The following CNTNAP2 variants were observed in gnomAD, a reference collection of about 807,000 sequenced individuals.
CNTNAP2 encodes contactin-associated protein-like 2.
In CNTNAP2, 98 loss-of-function variants were observed where a neutral mutation model predicts 155.2. The ratio of observed to expected loss-of-function variants is 0.63; its 90% confidence interval spans 0.54 to 0.75. The LOEUF (loss-of-function observed/expected upper bound fraction) is 0.75, where lower values mean the gene tolerates loss of function less well. Among genes scored for constraint, CNTNAP2 ranks in the 30% least tolerant of loss-of-function variants. The pLI is 0.00. For synonymous variants in CNTNAP2, 651 were observed against 631.2 expected (o/e 1.03, Z -0.47); for missense variants, 1,727 against 1,688.1 (o/e 1.02, Z -0.40).
chr7:147,160,909 C>A (rs986026124), intron 8 of CNTNAP2, among the ~76,000 whole-genome samples: 3 of 152,098 alleles, frequency 2.0e-5, no homozygotes, highest in African/African-American at 7.2e-5. Flanking sequence ...ATCCTAAAGA[C>A]TTTTTCTTGC....
intron 13 of CNTNAP2, among the ~76,000 whole-genome samples, chr7:147,780,278 C>T (rs1055828689): frequency 6.6e-6 from 1 of 152,124 alleles, no homozygotes; most frequent in South Asian, 2.1e-4. Context: ...AAAACATTCA[C>T]GAGGCATTCT....
At chr7:147,341,386 A>G (rs1028220960) in intron 9 of CNTNAP2, among the ~76,000 whole-genome samples, 2 of 152,010 alleles carry the variant, frequency 1.3e-5, no homozygotes, top group East Asian at 1.9e-4. Flanking sequence ...GTGCATATCT[A>G]TGTAACAAAC....
At chr7:146,441,446 A>G (rs1316282166) in intron 1 of CNTNAP2, among the ~76,000 whole-genome samples, 1 of 151,138 alleles carries the variant, frequency 6.6e-6, no homozygotes, top group African/African-American at 2.5e-5. Flanking sequence ...ATACACATCA[A>G]CTCTCTTCCC....
At position 146,628,065 on chromosome 7, in the gene CNTNAP2, A is replaced by G. The variant is rs186399684; in HGVS notation, c.98-146206A>G. 8.7e-4 allele frequency among the ~76,000 whole-genome samples: 133 copies of G among 152,290 alleles called. 1 individual carries two copies. The highest frequency in any genetic ancestry group is 3.0e-3 in the African/African-American group (124 of 41,580). The stretch of plus-strand genomic sequence containing the variant: ...TTCCAAAGATATATTTAATAGTACT[A>G]AATAGAAAATCTATGATATCCATAC... On this transcript the variant is annotated intron_variant, in intron 1 of 23. Transcript: ENST00000361727.
intron 9 of CNTNAP2, among the ~76,000 whole-genome samples, chr7:147,377,466 C>T (rs1452219160): frequency 6.6e-6 from 1 of 151,764 alleles, no homozygotes; most frequent in African/African-American, 2.4e-5. Flanking sequence ...GATTTTACCA[C>T]ATTTGCATAT....
chr7:147,571,701 C>T (rs1407808950), intron 12 of CNTNAP2, among the ~76,000 whole-genome samples: 1 of 152,100 alleles, frequency 6.6e-6, no homozygotes, highest in African/African-American at 2.4e-5. Context: ...TATATTAGGG[C>T]TTATTAACAT....
intron 1 of CNTNAP2, among the ~76,000 whole-genome samples, chr7:146,397,135 A>G (rs528610435): frequency 4.0e-4 from 61 of 152,198 alleles, no homozygotes; most frequent in Admixed American, 2.0e-4. Context: ...GCTTTATGCT[A>G]TCTGAAAATT....
chr7:146,613,475 CAT>C (rs1345296778), intron 1 of CNTNAP2, among the ~76,000 whole-genome samples: 1 of 152,120 alleles, frequency 6.6e-6, no homozygotes, highest in Non-Finnish European at 1.5e-5. Context: ...ATTCAATTAA[CAT>C]GTGTTCTAAA....
chr7:147,824,176 C>T (rs2116625712), intron 13 of CNTNAP2, among the ~76,000 whole-genome samples: 1 of 152,218 alleles, frequency 6.6e-6, no homozygotes, highest in Non-Finnish European at 1.5e-5. Context: ...TGTAGTCTCT[C>T]CTTTATTCAA....
At chr7:147,132,126 G>A (rs1294496804) in intron 7 of CNTNAP2, 119 bp from the exon 8 acceptor site, 3 of 1,312,582 alleles carry the variant, frequency 2.3e-6, no homozygotes, top group East Asian at 4.6e-5. Flanking sequence ...CTGTGTGTGA[G>A]TTTAGCTTAG....
At chr7:147,446,219 C>T (rs940656119) in intron 10 of CNTNAP2, among the ~76,000 whole-genome samples, 1 of 151,140 alleles carries the variant, frequency 6.6e-6, no homozygotes, top group African/African-American at 2.4e-5. Context: ...CCACCCCTCA[C>T]TAACTTTTGA....
intron 13 of CNTNAP2, among the ~76,000 whole-genome samples, chr7:147,821,543 G>T (rs1361477755): frequency 6.6e-6 from 1 of 152,172 alleles, no homozygotes. Flanking sequence ...AAACATGACA[G>T]AAAGAGGCAA....
chr7:148,197,401 T>C (rs1445159786), intron 18 of CNTNAP2, among the ~76,000 whole-genome samples: 1 of 152,154 alleles, frequency 6.6e-6, no homozygotes, highest in African/African-American at 2.4e-5. Flanking sequence ...AACAAAATAG[T>C]CTTTTAGAAA....
intron 1 of CNTNAP2, among the ~76,000 whole-genome samples, chr7:146,463,382 C>T (rs907372333): frequency 1.3e-5 from 2 of 152,084 alleles, no homozygotes; most frequent in South Asian, 4.2e-4. Context: ...CCCATTAGTT[C>T]CAAATTCTAA....
chr7:147,613,456 A>G (rs1019928418), intron 12 of CNTNAP2, among the ~76,000 whole-genome samples: 5 of 152,194 alleles, frequency 3.3e-5, no homozygotes, highest in African/African-American at 1.2e-4. Flanking sequence ...TCTTTATGGC[A>G]TGTCGATGAA....
chr7:148,409,837 GT>G (rs1563077710), intron 23 of CNTNAP2, among the ~76,000 whole-genome samples: 20 of 56,410 alleles, frequency 3.5e-4, no homozygotes, highest in South Asian at 6.9e-4. Flanking sequence ...GGATCACAAG[GT>G]CAGGAGATCG....
Position 146,135,976 on chromosome 7 carries a change from C to G in CNTNAP2, c.97+19003C>G, listed in dbSNP as rs182591176. Among the ~76,000 whole-genome samples the G allele has an allele frequency of 2.4e-4, 37 of 152,100 alleles. 1 individual carries two copies. Among genetic ancestry groups the G allele is most frequent in the African/African-American group, 8.4e-4 (35 of 41,514 alleles). ...CTGTGTGTGCATACTCCTTTTTATTCTAATATAATAGTGAAAATATTAAGC... is the reference window on the plus strand; with the variant it reads ...CTGTGTGTGCATACTCCTTTTTATTGTAATATAATAGTGAAAATATTAAGC... On this transcript the variant is annotated intron_variant, in intron 1 of 23. Coordinates refer to ENST00000361727, the MANE Select transcript of CNTNAP2 (RefSeq NM_014141.6).
chr7:147,590,943 A>T (rs189967740), intron 12 of CNTNAP2, among the ~76,000 whole-genome samples: 82 of 152,268 alleles, frequency 5.4e-4, no homozygotes, highest in Middle Eastern at 3.4e-3. Context: ...CTGAGCTTTT[A>T]TGGTTCTAAT....
chr7:147,736,445 G>T (rs1032687702), intron 13 of CNTNAP2, among the ~76,000 whole-genome samples: 2 of 152,222 alleles, frequency 1.3e-5, no homozygotes, highest in Admixed American at 6.5e-5. Context: ...CTCTCTGGCT[G>T]CCCTTAACAT....
Sources: gnomAD v4.1 joint callset for allele counts (sites outside exome capture counted in the v4.1 genomes callset) on GRCh38, gnomAD v4.1.1 for gene constraint, MANE v1.5 for transcripts, NCBI Gene and HGNC (gene_info 2026-07-23, HGNC 2026-07-21) for gene names.